The following ABCB4 variants were observed in gnomAD, a reference collection of about 807,000 sequenced individuals.
ABCB4 encodes phosphatidylcholine translocator ABCB4.
In ABCB4, 76 loss-of-function variants were observed where a neutral mutation model predicts 145.7. That is an observed-to-expected ratio of 0.52 (90% CI 0.43 to 0.63). The LOEUF is 0.63. ABCB4 is among the 30% of genes least tolerant of loss of function. The pLI is 0.00. For synonymous variants in ABCB4, 517 were observed against 566.8 expected, an observed-to-expected ratio of 0.91 and a Z score of 1.25; for missense variants, 1,234 against 1,553.1, an observed-to-expected ratio of 0.79 and a Z score of 3.45.
In ABCB4 at chr7:87,440,297, C is replaced by T; in HGVS notation, c.1462G>A (p.Glu488Lys). ...TTTCCACGGCCATAACAAATATTTT[C>T]AGCAATTGTGGTGGAAAACAGCACC... is the stretch of plus-strand genomic sequence containing the variant. ...EPVLFSTTIA[E>K]NICYGRGNVT... Residue 488 changes from glutamate (E) to lysine (K), a missense_variant, in exon 13 of 28, where the codon GAA becomes AAA. Coordinates refer to ENST00000649586, the MANE Select transcript of ABCB4 (RefSeq NM_000443.4). 6.2e-7 allele frequency: 1 copy of T among 1,614,144 alleles called. No individual in the cohort carries two copies. The highest frequency in any genetic ancestry group is 8.5e-7 in the Non-Finnish European group (1 of 1,180,020).
chr7:87,405,199 T>C (rs537949184), intron 26 of ABCB4, among the ~76,000 whole-genome samples: 103 of 152,328 alleles, frequency 6.8e-4, no homozygotes, highest in Admixed American at 3.7e-3. Context: ...GCAATGCCTA[T>C]GAATACACAC....
the ABCB4 span, among the ~76,000 whole-genome samples, chr7:87,366,974 C>T: frequency 6.6e-6 from 1 of 152,196 alleles, no homozygotes; most frequent in South Asian, 2.1e-4. Flanking sequence ...TTCTTGTTAG[C>T]TAACAAACTC....
At chr7:87,451,327 A>G (rs1811715038) in intron 7 of ABCB4, among the ~76,000 whole-genome samples, 1 of 151,966 alleles carries the variant, frequency 6.6e-6, no homozygotes. Flanking sequence ...GTAGAGACAG[A>G]GTTTTGCCAT....
At chr7:87,451,853 T>C in intron 6 of ABCB4, 59 bp from the exon 7 acceptor site, 2 of 1,531,084 alleles carry the variant, frequency 1.3e-6, no homozygotes, top group South Asian at 1.1e-5. Context: ...AAAGATGAAG[T>C]AGACATCCAA....
At chr7:87,388,339 A>G in the ABCB4 span, among the ~76,000 whole-genome samples, 1 of 152,136 alleles carries the variant, frequency 6.6e-6, no homozygotes, top group Non-Finnish European at 1.5e-5. Context: ...GCAAAAAGAA[A>G]AAAACTGGAG....
downstream of ABCB4, among the ~76,000 whole-genome samples, chr7:87,397,259 G>A (rs1300024143): frequency 1.3e-5 from 2 of 151,574 alleles, no homozygotes; most frequent in Non-Finnish European, 2.9e-5. Flanking sequence ...CCTGAGGCAC[G>A]AGAATTGCTT....
At chr7:87,454,128 C>T (rs530734140) in intron 5 of ABCB4, among the ~76,000 whole-genome samples, 30 of 152,256 alleles carry the variant, frequency 2.0e-4, no homozygotes, top group African/African-American at 7.0e-4. Flanking sequence ...AGACAGCACT[C>T]GTTACAATCA....
chr7:87,372,007 C>CAAAAAAAAAAAAAAA, the ABCB4 span, among the ~76,000 whole-genome samples: 3 of 124,000 alleles, frequency 2.4e-5, no homozygotes, highest in Non-Finnish European at 3.3e-5. Context: ...AAAAAAAAAA[C>CAAAAAAAAAAAAAAA]AAAAAAAAAA....
In ABCB4 at chr7:87,451,732, G is replaced by C; in HGVS notation, c.599C>G (p.Ala200Gly). The C allele has an allele frequency of 6.2e-7, 1 of 1,614,162 alleles. No homozygotes were observed. Among genetic ancestry groups the C allele is most frequent in the South Asian group, 1.1e-5 (1 of 91,082 alleles). The change falls in exon 7 of 28, where the codon GCC (alanine) becomes GGC (glycine). Residue 200 changes from alanine to glycine, a missense_variant. This residue lies in a region of ABCB4 where 467 missense variants were observed against 632.8 expected (regional missense o/e 0.74). Transcript: ENST00000649586. ...CACTATGAATCCTGCAAAAAACGTG[G>C]CTACTGCTTGAAAGAACATTCCAAC... is the stretch of plus-strand genomic sequence containing the variant. ...DKVGMFFQAV[A>G]TFFAGFIVGF...
chr7:87,423,530 C>T (rs1288646099), intron 17 of ABCB4: 1 of 328,300 alleles, frequency 3.0e-6, no homozygotes, highest in Non-Finnish European at 5.9e-6. Flanking sequence ...TGCCTGGACT[C>T]TTATTAAACT....
In ABCB4 at chr7:87,469,690, T is replaced by A. The variant is rs1813219942; in HGVS notation, c.135+2931A>T. On this transcript the variant is annotated intron_variant, in intron 3 of 27. Coordinates refer to ENST00000649586, the MANE Select transcript of ABCB4 (RefSeq NM_000443.4). ...TGTGAAGGACCTCTTCAAGGAGAAC[T>A]ACAAACCACTGCTCAACGAAATAAA... Among the ~76,000 whole-genome samples the A allele has an allele frequency of 2.0e-5, 3 of 152,232 alleles. No individual in the cohort carries two copies. The South Asian group carries it at 6.2e-4, about 32-fold the overall frequency.
At chr7:87,403,489 T>A in intron 26 of ABCB4, 1 of 568,368 alleles carries the variant, frequency 1.8e-6, no homozygotes, top group Non-Finnish European at 3.1e-6. Context: ...TAATTAACTT[T>A]CTTTAAAATA....
At chr7:87,440,105 C>T (rs767720145) in intron 13 of ABCB4, 94 bp downstream of exon 13, 18 of 1,406,176 alleles carry the variant, frequency 1.3e-5, no homozygotes, top group Middle Eastern at 3.7e-4. Flanking sequence ...AATCTTGCAT[C>T]TCAAACATTA....
the ABCB4 span, among the ~76,000 whole-genome samples, chr7:87,379,005 G>C: frequency 6.6e-6 from 1 of 152,188 alleles, no homozygotes; most frequent in African/African-American, 2.4e-5. Context: ...ACTGTTGACA[G>C]AATAGTTCTT....
At chr7:87,435,786 A>G (rs950871259) in intron 14 of ABCB4, among the ~76,000 whole-genome samples, 2 of 152,222 alleles carry the variant, frequency 1.3e-5, no homozygotes, top group Non-Finnish European at 2.9e-5. Flanking sequence ...TGATACAGAA[A>G]TTAGTAATTA....
At chr7:87,410,826 G>A (rs1017231392) in intron 23 of ABCB4, among the ~76,000 whole-genome samples, 2 of 152,194 alleles carry the variant, frequency 1.3e-5, no homozygotes, top group Non-Finnish European at 2.9e-5. Flanking sequence ...AAGGGAGTGA[G>A]GCCAAGGTAT....
intron 7 of ABCB4, 24 bp downstream of exon 7, chr7:87,451,599 T>A (rs2116801135): frequency 6.2e-7 from 1 of 1,614,030 alleles, no homozygotes; most frequent in Non-Finnish European, 8.5e-7. Flanking sequence ...TTAACACACA[T>A]AAAAAGGCCC....
the ABCB4 span, among the ~76,000 whole-genome samples, chr7:87,393,971 T>C: frequency 6.6e-6 from 1 of 152,288 alleles, no homozygotes; most frequent in South Asian, 2.1e-4. Context: ...ATGCATAAAA[T>C]ATATACAGAT....
chr7:87,463,029 C>A, intron 3 of ABCB4, 121 bp from the exon 4 acceptor site: 1 of 863,348 alleles, frequency 1.2e-6, no homozygotes, highest in Non-Finnish European at 1.8e-6. Flanking sequence ...AAATGAATGT[C>A]TTAGAAAAGG....
Sources: allele counts gnomAD v4.1 joint callset (sites outside exome capture counted in the v4.1 genomes callset), GRCh38; gene constraint gnomAD v4.1.1; regional missense constraint gnomAD v4.1.1; transcripts MANE v1.5; gene names NCBI Gene and HGNC (gene_info 2026-07-23, HGNC 2026-07-21).